ASTN2: variants seen among roughly 807,000 people sequenced by gnomAD.
ASTN2 encodes the protein astrotactin 2.
In ASTN2, 54 loss-of-function variants were observed where a neutral mutation model predicts 139.8. The observed-to-expected ratio is 0.39, with a 90% CI of 0.31 to 0.48. The LOEUF is 0.48. Ranked by LOEUF, ASTN2 falls within the 20% of genes least tolerant of loss-of-function variation. The pLI, the probability that ASTN2 is intolerant of heterozygous loss-of-function variation, is 0.95. For missense variants in ASTN2, 1,565 were observed against 1,725.1 expected (o/e 0.91, Z 1.64); for synonymous variants, 756 against 719.5 (o/e 1.05, Z -0.81).
At chr9:116,544,513 A>G (rs912621649) in intron 19 of ASTN2, among the ~76,000 whole-genome samples, 4 of 152,174 alleles carry the variant, frequency 2.6e-5, no homozygotes, top group Non-Finnish European at 5.9e-5. Context: ...CCATGCCAGA[A>G]AAAGAGGAAA....
intron 10 of ASTN2, among the ~76,000 whole-genome samples, chr9:116,884,803 GC>G (rs759933298): frequency 0.079 from 5,505 of 69,556 alleles, 523 homozygotes; most frequent in African/African-American, 0.22. Context: ...CCAAATATCC[GC>G]CCCCCCCCCA....
chr9:116,742,721 G>A (rs562753903), intron 13 of ASTN2, among the ~76,000 whole-genome samples: 1 of 152,130 alleles, frequency 6.6e-6, no homozygotes, highest in East Asian at 1.9e-4. Flanking sequence ...GGGTAAAGGG[G>A]ATAAAACTGT....
At chr9:117,196,934 T>A (rs947793920) in intron 3 of ASTN2, among the ~76,000 whole-genome samples, 1 of 152,156 alleles carries the variant, frequency 6.6e-6, no homozygotes, top group Non-Finnish European at 1.5e-5. Context: ...ACAGACTTTT[T>A]AAATGGATAT....
chr9:117,145,060 G>T (rs903840395), intron 3 of ASTN2, among the ~76,000 whole-genome samples: 2 of 152,064 alleles, frequency 1.3e-5, no homozygotes, highest in African/African-American at 4.8e-5. Context: ...GTGTGTCATG[G>T]GAGGTTGGTG....
intron 2 of ASTN2, among the ~76,000 whole-genome samples, chr9:117,233,008 T>C (rs1000962159): frequency 1.3e-5 from 2 of 152,182 alleles, no homozygotes; most frequent in Non-Finnish European, 2.9e-5. Flanking sequence ...CTTCCTTCCC[T>C]GGCTCTGCCT....
chr9:116,515,570 A>G (rs1260957016), intron 19 of ASTN2, among the ~76,000 whole-genome samples: 1 of 152,174 alleles, frequency 6.6e-6, no homozygotes, highest in Non-Finnish European at 1.5e-5. Flanking sequence ...TGAGACTCAG[A>G]GCTGGGTGCC....
intron 4 of ASTN2, among the ~76,000 whole-genome samples, chr9:117,116,242 T>C (rs1829388303): frequency 2.0e-5 from 3 of 152,128 alleles, no homozygotes; most frequent in African/African-American, 4.8e-5. Context: ...GTGTGTGTAG[T>C]GAGGCATGAG....
chr9:117,146,882 A>G (rs1445451908), intron 3 of ASTN2, among the ~76,000 whole-genome samples: 1 of 152,182 alleles, frequency 6.6e-6, no homozygotes, highest in East Asian at 1.9e-4. Flanking sequence ...TATTTTTTCA[A>G]ATAGCTAGAA....
chr9:117,089,705 A>G (rs909297798), intron 5 of ASTN2, among the ~76,000 whole-genome samples: 4 of 144,912 alleles, frequency 2.8e-5, no homozygotes, highest in African/African-American at 7.6e-5. Flanking sequence ...CAAGTCCCCA[A>G]AGTCCATTGT....
intron 16 of ASTN2, chr9:116,686,714 A>C (rs1860233625): frequency 6.4e-7 from 1 of 1,550,526 alleles, no homozygotes; most frequent in Non-Finnish European, 8.7e-7. Flanking sequence ...CTGCAGGGAC[A>C]GGGGCTGCAG....
chr9:117,405,327 G>T (rs1830952126), intron 1 of ASTN2, among the ~76,000 whole-genome samples: 1 of 152,176 alleles, frequency 6.6e-6, no homozygotes, highest in African/African-American at 2.4e-5. Flanking sequence ...ATAGCTGTGT[G>T]ATCTTGGGTA....
At chr9:116,858,790 A>G (rs1467269914) in intron 11 of ASTN2, among the ~76,000 whole-genome samples, 1 of 152,224 alleles carries the variant, frequency 6.6e-6, no homozygotes, top group East Asian at 1.9e-4. Flanking sequence ...AACAAAAATA[A>G]TAGCATAATT....
At chr9:116,457,727 G>C (rs958619357) in intron 20 of ASTN2, among the ~76,000 whole-genome samples, 1 of 151,986 alleles carries the variant, frequency 6.6e-6, no homozygotes, top group African/African-American at 2.4e-5. Flanking sequence ...TGTGGAGAAA[G>C]GGAAACCCTC....
intron 19 of ASTN2, among the ~76,000 whole-genome samples, chr9:116,578,650 G>A (rs1219456493): frequency 7.7e-6 from 1 of 129,102 alleles, no homozygotes; most frequent in Non-Finnish European, 1.7e-5. Flanking sequence ...GTGTGTGTGT[G>A]TGTGTGTGTG....
intron 4 of ASTN2, among the ~76,000 whole-genome samples, chr9:117,104,046 C>A (rs1483728478): frequency 1.3e-5 from 2 of 152,172 alleles, no homozygotes; most frequent in Non-Finnish European, 2.9e-5. Context: ...AGAGGTGGAG[C>A]TCCTTACTTG....
intron 5 of ASTN2, among the ~76,000 whole-genome samples, chr9:117,062,609 C>G (rs1158559034): frequency 6.6e-6 from 1 of 152,098 alleles, no homozygotes; most frequent in African/African-American, 2.4e-5. Context: ...TCCATGCATT[C>G]AATACAATCT....
At chr9:117,147,366 G>A (rs1352287108) in intron 3 of ASTN2, among the ~76,000 whole-genome samples, 2 of 152,004 alleles carry the variant, frequency 1.3e-5, no homozygotes, top group African/African-American at 4.8e-5. Flanking sequence ...AACCTGGGAG[G>A]TGGAGGTTGC....
intron 20 of ASTN2, among the ~76,000 whole-genome samples, chr9:116,476,671 T>G (rs953102272): frequency 6.6e-6 from 1 of 152,180 alleles, no homozygotes; most frequent in Non-Finnish European, 1.5e-5. Flanking sequence ...TGCACTGCAG[T>G]AAGTTATGAA....
Position 116,923,045 on chromosome 9 carries a change from C to T in ASTN2, c.1889+52163G>A, listed in dbSNP as rs531119511. ...ACCTATATCTCATAACAAACCCCAA[C>T]AGGTAAGGTTCAACAATGCCACTTT... On this transcript the variant is annotated intron_variant, in intron 10 of 22. Transcript: ENST00000313400. 2.6e-5 allele frequency among the ~76,000 whole-genome samples: 4 copies of T among 152,290 alleles called. No homozygotes were observed. The South Asian group carries it at 8.3e-4, about 32-fold the overall frequency.
Sources: allele counts gnomAD v4.1 joint callset (sites outside exome capture counted in the v4.1 genomes callset), GRCh38; gene constraint gnomAD v4.1.1; transcripts MANE v1.5; gene names NCBI Gene and HGNC (gene_info 2026-07-23, HGNC 2026-07-21).